NR2F1-AS1: variants seen among roughly 807,000 people sequenced by gnomAD.
NR2F1-AS1 encodes the protein NR2F1 regulatory antisense RNA 1.
intron 4 of NR2F1-AS1, among the ~76,000 whole-genome samples, chr5:93,500,803 C>A (rs1379526646): frequency 2.6e-5 from 4 of 152,106 alleles, no homozygotes; most frequent in African/African-American, 9.7e-5. Context: ...CCATGCCCAG[C>A]AAATTTTTTG....
At chr5:93,552,916 A>G (rs1020081270) in intron 4 of NR2F1-AS1, among the ~76,000 whole-genome samples, 4 of 152,140 alleles carry the variant, frequency 2.6e-5, no homozygotes, top group African/African-American at 9.7e-5. Flanking sequence ...ATTAAATACT[A>G]TCAAATTATA....
chr5:93,437,577 C>T (rs993037005), intron 4 of NR2F1-AS1, among the ~76,000 whole-genome samples: 3 of 152,118 alleles, frequency 2.0e-5, no homozygotes, highest in African/African-American at 7.2e-5. Flanking sequence ...TATACTGCCA[C>T]CACACAACTC....
chr5:93,515,618 T>C (rs1751385774), intron 4 of NR2F1-AS1, among the ~76,000 whole-genome samples: 1 of 151,912 alleles, frequency 6.6e-6, no homozygotes, highest in African/African-American at 2.4e-5. Flanking sequence ...TAGCATAGTG[T>C]CTGGCTTGGA....
At chr5:93,445,746 A>C (rs1198283742) in intron 4 of NR2F1-AS1, among the ~76,000 whole-genome samples, 1 of 152,126 alleles carries the variant, frequency 6.6e-6, no homozygotes, top group Non-Finnish European at 1.5e-5. Context: ...AGACACAACA[A>C]AAAAAGAGAA....
chr5:93,428,743 T>C (rs1749246851), intron 4 of NR2F1-AS1, among the ~76,000 whole-genome samples: 1 of 152,338 alleles, frequency 6.6e-6, no homozygotes, highest in Non-Finnish European at 1.5e-5. Context: ...CTTCTGATTA[T>C]ATAAGTACTT....
chr5:93,523,291 C>T (rs934498789), intron 4 of NR2F1-AS1, among the ~76,000 whole-genome samples: 7 of 152,164 alleles, frequency 4.6e-5, no homozygotes, highest in African/African-American at 1.7e-4. Flanking sequence ...GCCAGACTGC[C>T]CTTCTGGATT....
At chr5:93,584,497 C>T (rs1203564220), upstream of NR2F1-AS1, 3 of 149,360 alleles carry the variant, frequency 2.0e-5, no homozygotes, top group Non-Finnish European at 3.0e-5. Flanking sequence ...GTGCGCGCGC[C>T]GTGGCCCATG....
intron 4 of NR2F1-AS1, among the ~76,000 whole-genome samples, chr5:93,434,923 T>C (rs1749403116): frequency 6.6e-6 from 1 of 152,244 alleles, no homozygotes; most frequent in Non-Finnish European, 1.5e-5. Context: ...TACATGATAT[T>C]GGTTTGTCCA....
At chr5:93,520,939 T>TA (rs112042357) in intron 4 of NR2F1-AS1, among the ~76,000 whole-genome samples, 8,004 of 152,160 alleles carry the variant, frequency 0.053, 292 homozygotes, top group African/African-American at 0.093. Flanking sequence ...AGATAATACT[T>TA]ACATTTTACA....
At chr5:93,419,751 C>T (rs1243435872) in intron 4 of NR2F1-AS1, among the ~76,000 whole-genome samples, 5 of 152,134 alleles carry the variant, frequency 3.3e-5, no homozygotes, top group Non-Finnish European at 7.4e-5. Context: ...ATTGACACCC[C>T]TTTCCTCTCC....
At chr5:93,582,951 G>A (rs188594715), upstream of NR2F1-AS1, among the ~76,000 whole-genome samples, 320 of 152,124 alleles carry the variant, frequency 2.1e-3, no homozygotes, top group African/African-American at 7.3e-3. Flanking sequence ...AGCTAAGCGG[G>A]GGGGGGAGAA....
intron 4 of NR2F1-AS1, among the ~76,000 whole-genome samples, chr5:93,495,098 A>C (rs1417646819): frequency 6.6e-6 from 1 of 152,230 alleles, no homozygotes; most frequent in Admixed American, 6.6e-5. Flanking sequence ...ATAAATAACT[A>C]CTTATACAAT....
At chr5:93,509,219 CCAGAATGTGTA>C (rs1468108201) in intron 4 of NR2F1-AS1, among the ~76,000 whole-genome samples, 1 of 151,944 alleles carries the variant, frequency 6.6e-6, no homozygotes, top group Non-Finnish European at 1.5e-5. Flanking sequence ...AAAACAAGCT[CCAGAATGTGTA>C]CAGCATGATA....
chr5:93,421,558 C>T (rs1749088921), intron 4 of NR2F1-AS1, among the ~76,000 whole-genome samples: 1 of 152,152 alleles, frequency 6.6e-6, no homozygotes, highest in Non-Finnish European at 1.5e-5. Context: ...ACAGCCCCTA[C>T]TCGGGCTTTT....
intron 4 of NR2F1-AS1, among the ~76,000 whole-genome samples, chr5:93,500,844 A>C (rs1751064255): frequency 6.6e-6 from 1 of 152,072 alleles, no homozygotes; most frequent in Non-Finnish European, 1.5e-5. Context: ...TGTACTCCTG[A>C]GCTCAGGCAA....
chr5:93,461,168 A>C (rs555060962), intron 4 of NR2F1-AS1, among the ~76,000 whole-genome samples: 1 of 152,340 alleles, frequency 6.6e-6, no homozygotes, highest in South Asian at 2.1e-4. Flanking sequence ...AAGGAACGAG[A>C]TCATGTCCTT....
At chr5:93,466,715 A>G (rs1270274907) in intron 4 of NR2F1-AS1, among the ~76,000 whole-genome samples, 1 of 151,850 alleles carries the variant, frequency 6.6e-6, no homozygotes, top group Non-Finnish European at 1.5e-5. Flanking sequence ...AGTAGATCTG[A>G]TATTCCTTTA....
chr5:93,417,451 C>A (rs1748991791), intron 4 of NR2F1-AS1, among the ~76,000 whole-genome samples: 2 of 152,142 alleles, frequency 1.3e-5, no homozygotes, highest in East Asian at 1.9e-4. Context: ...GCAAAAAAGT[C>A]AGAATATAAA....
At chr5:93,485,041 A>G (rs1483268240) in intron 4 of NR2F1-AS1, among the ~76,000 whole-genome samples, 1 of 152,192 alleles carries the variant, frequency 6.6e-6, no homozygotes, top group Admixed American at 6.5e-5. Context: ...CACTGTCAAT[A>G]TTAGACAGAT....
Sources: gnomAD v4.1 joint callset for allele counts (sites outside exome capture counted in the v4.1 genomes callset) on GRCh38, gnomAD v4.1.1 for gene constraint, MANE v1.5 for transcripts, NCBI Gene and HGNC (gene_info 2026-07-23, HGNC 2026-07-21) for gene names.